NAV3: variants seen among roughly 807,000 people sequenced by gnomAD.
NAV3 encodes the protein pore membrane and/or filament interacting like protein 1.
A neutral mutation model predicts 244.7 loss-of-function variants in NAV3; 87 were observed. The observed-to-expected ratio is 0.36, with a 90% CI of 0.30 to 0.42. The LOEUF is 0.42. NAV3 is among the 20% of genes least tolerant of loss of function. NAV3 has a pLI of 1.00. For missense variants in NAV3, 2,663 were observed against 2,893.3 expected, an observed-to-expected ratio of 0.92 and a Z score of 1.83; for synonymous variants, 1,126 against 1,042.2, an observed-to-expected ratio of 1.08 and a Z score of -1.55.
chr12:77,591,966 G>T (rs538810353), intron 2 of NAV3, among the ~76,000 whole-genome samples: 28 of 152,268 alleles, frequency 1.8e-4, no homozygotes, highest in African/African-American at 5.5e-4. Context: ...ATGAAGCAAG[G>T]CATGTTAAAT....
chr12:77,927,466 G>A (rs1371974116), intron 1 of NAV3, among the ~76,000 whole-genome samples: 1 of 152,180 alleles, frequency 6.6e-6, no homozygotes, highest in Non-Finnish European at 1.5e-5. Context: ...GCCACCTTGG[G>A]AAAATACTTC....
intron 1 of NAV3, among the ~76,000 whole-genome samples, chr12:77,889,811 T>G (rs1883721801): frequency 6.6e-6 from 1 of 152,206 alleles, no homozygotes; most frequent in Non-Finnish European, 1.5e-5. Flanking sequence ...AAGACTAGCA[T>G]ATTTTAGCAT....
intron 29 of NAV3, 120 bp downstream of exon 29, chr12:78,179,802 G>T: frequency 8.7e-7 from 1 of 1,143,650 alleles, no homozygotes; most frequent in Non-Finnish European, 1.2e-6. Flanking sequence ...AATGTACTCT[G>T]TTTATTCAGT....
At chr12:78,028,301 C>A (rs1288582457) in intron 9 of NAV3, among the ~76,000 whole-genome samples, 1 of 152,022 alleles carries the variant, frequency 6.6e-6, no homozygotes, top group Non-Finnish European at 1.5e-5. Context: ...TTGAAGGAAA[C>A]TAAATATTCA....
At chr12:78,051,873 T>G (rs3912148) in intron 11 of NAV3, among the ~76,000 whole-genome samples, 21,993 of 152,222 alleles carry the variant, frequency 0.14, 1,671 homozygotes, top group Middle Eastern at 0.2. Flanking sequence ...TTTGAAGATA[T>G]TGTTTTACTT....
At chr12:77,867,754 C>T (rs1880306425) in intron 1 of NAV3, among the ~76,000 whole-genome samples, 1 of 152,118 alleles carries the variant, frequency 6.6e-6, no homozygotes, top group Admixed American at 6.5e-5. Context: ...TGAGAACAGA[C>T]TAATACAGTA....
chr12:77,782,344 T>C (rs1870708572), intron 2 of NAV3, among the ~76,000 whole-genome samples: 1 of 138,112 alleles, frequency 7.2e-6, no homozygotes, highest in Non-Finnish European at 1.5e-5. Flanking sequence ...CCTCCCTCCC[T>C]CCATTTCTTC....
At chr12:77,666,514 C>T (rs1377930890) in intron 2 of NAV3, among the ~76,000 whole-genome samples, 3 of 152,008 alleles carry the variant, frequency 2.0e-5, no homozygotes, top group African/African-American at 7.2e-5. Context: ...AAAGAATACT[C>T]CACAAGAAAA....
chr12:78,058,245 A>C (rs560231446), intron 11 of NAV3, among the ~76,000 whole-genome samples: 1 of 152,250 alleles, frequency 6.6e-6, no homozygotes, highest in Non-Finnish European at 1.5e-5. Flanking sequence ...AAAGAGGTTT[A>C]ATTGACTCAC....
At chr12:78,100,921 T>A (rs1432603238) in intron 12 of NAV3, among the ~76,000 whole-genome samples, 3 of 152,184 alleles carry the variant, frequency 2.0e-5, no homozygotes, top group Non-Finnish European at 2.9e-5. Flanking sequence ...AGTCTTCATT[T>A]TCCTGATAAT....
chr12:77,690,969 T>C (rs1236037689), intron 2 of NAV3, among the ~76,000 whole-genome samples: 1 of 150,896 alleles, frequency 6.6e-6, no homozygotes, highest in African/African-American at 2.4e-5. Context: ...GTGCTCTTAA[T>C]TTTTCTTCTT....
At chr12:77,726,259 A>T (rs1251048787) in intron 2 of NAV3, among the ~76,000 whole-genome samples, 1 of 151,942 alleles carries the variant, frequency 6.6e-6, no homozygotes, top group East Asian at 1.9e-4. Flanking sequence ...TTCTCGTGTT[A>T]GTGCTTTTCA....
intron 2 of NAV3, among the ~76,000 whole-genome samples, chr12:77,675,337 T>G (rs1874159146): frequency 6.6e-6 from 1 of 152,158 alleles, no homozygotes; most frequent in African/African-American, 2.4e-5. Flanking sequence ...TTAGAGTACA[T>G]TTTCAAGGAT....
chr12:78,117,160 TATATATATA>T (rs1566155837), intron 13 of NAV3, among the ~76,000 whole-genome samples: 1,400 of 108,766 alleles, frequency 0.013, 108 homozygotes, highest in African/African-American at 0.031. Flanking sequence ...AGAAGCAGCA[TATATATATA>T]TATATATATA....
intron 2 of NAV3, among the ~76,000 whole-genome samples, chr12:77,600,337 T>C (rs961164460): frequency 2.0e-5 from 3 of 151,940 alleles, no homozygotes; most frequent in Admixed American, 2.0e-4. Context: ...GACTACTGAC[T>C]GGCCCAGGAC....
At chr12:77,895,183 C>T (rs1381756048) in intron 1 of NAV3, among the ~76,000 whole-genome samples, 2 of 151,806 alleles carry the variant, frequency 1.3e-5, no homozygotes, top group Admixed American at 6.6e-5. Flanking sequence ...TTCCTATGAC[C>T]CTACTGACAG....
At chr12:78,174,452 C>T (rs439996) in intron 24 of NAV3, among the ~76,000 whole-genome samples, 1 of 151,750 alleles carries the variant, frequency 6.6e-6, no homozygotes, top group Non-Finnish European at 1.5e-5. Context: ...CTGAGACTGG[C>T]TCCACTATTT....
chr12:78,120,025 T>C (rs1955601617), intron 15 of NAV3, 80 bp downstream of exon 15: 2 of 1,031,840 alleles, frequency 1.9e-6, no homozygotes, highest in South Asian at 1.9e-5. Flanking sequence ...TAAATGTGTG[T>C]ATATATATAT....
At chr12:78,175,557 C>G in intron 25 of NAV3, 130 bp downstream of exon 25, 2 of 1,140,972 alleles carry the variant, frequency 1.8e-6, no homozygotes, top group Non-Finnish European at 1.2e-6. Flanking sequence ...ACCTCAAATG[C>G]TGCACTCATC....
Sources: gnomAD v4.1 joint callset for allele counts (sites outside exome capture counted in the v4.1 genomes callset) on GRCh38, gnomAD v4.1.1 for gene constraint, MANE v1.5 for transcripts, NCBI Gene and HGNC (gene_info 2026-07-23, HGNC 2026-07-21) for gene names.